Variants in PLEKHM3 observed in about 807,000 individuals in gnomAD.
PLEKHM3 encodes pleckstrin homology domain containing M3.
Under a neutral mutation model 81.8 loss-of-function variants are expected in PLEKHM3, and 45 were observed. That is an observed-to-expected ratio of 0.55 (90% CI 0.43 to 0.71). The LOEUF (loss-of-function observed/expected upper bound fraction) is 0.71. PLEKHM3 is among the 30% of genes least tolerant of loss of function. The probability of loss-of-function intolerance (pLI) is 0.00; values close to 1 mark genes in which losing one functional copy is unlikely to be tolerated. For missense variants in PLEKHM3, 788 were observed against 924.3 expected, an observed-to-expected ratio of 0.85 and a Z score of 1.91; for synonymous variants, 352 against 356.4, an observed-to-expected ratio of 0.99 and a Z score of 0.14.
chr2:207,982,856 G>A (rs1691582812), intron 2 of PLEKHM3, among the ~76,000 whole-genome samples: 1 of 152,048 alleles, frequency 6.6e-6, no homozygotes, highest in African/African-American at 2.4e-5. Context: ...GGGATTACAG[G>A]CATGAGCCAC....
In PLEKHM3 at chr2:207,892,387, C is replaced by T. The variant is rs192257882; in HGVS notation, c.1950+16127G>A. Among the ~76,000 whole-genome samples the T allele has an allele frequency of 4.3e-4, 66 of 152,260 alleles. 1 individual carries two copies. Among genetic ancestry groups the T allele is most frequent in the Admixed American group, 2.4e-3 (37 of 15,290 alleles). ...TAATCATTTTTGATTGGTTACATTT[C>T]GCAGATTGCATTTTAAAATACTATA... On this transcript the variant is annotated intron_variant, in intron 6 of 7. Transcript: ENST00000427836.
chr2:207,934,084 C>T (rs1412491106), intron 4 of PLEKHM3, among the ~76,000 whole-genome samples: 3 of 151,812 alleles, frequency 2.0e-5, no homozygotes, highest in Non-Finnish European at 4.4e-5. Context: ...AAACTCAACT[C>T]GAATTAAAAA....
intron 3 of PLEKHM3, among the ~76,000 whole-genome samples, chr2:207,966,399 C>A (rs114473478): frequency 1.6e-3 from 251 of 152,290 alleles, no homozygotes; most frequent in African/African-American, 5.6e-3. Context: ...CTTGGCCCAA[C>A]AGGATTACAC....
At chr2:208,002,173 G>C (rs574613392) in intron 1 of PLEKHM3, among the ~76,000 whole-genome samples, 2 of 152,182 alleles carry the variant, frequency 1.3e-5, no homozygotes, top group African/African-American at 4.8e-5. Context: ...CTTGATAAGA[G>C]GAATTAAAGT....
At chr2:208,020,295 G>A (rs971258083) in intron 1 of PLEKHM3, among the ~76,000 whole-genome samples, 2 of 152,188 alleles carry the variant, frequency 1.3e-5, no homozygotes, top group Admixed American at 1.3e-4. Flanking sequence ...GATTCTATTT[G>A]AACCACATAA....
intron 4 of PLEKHM3, among the ~76,000 whole-genome samples, chr2:207,936,970 A>G (rs981833903): frequency 2.6e-5 from 4 of 152,066 alleles, no homozygotes; most frequent in African/African-American, 7.2e-5. Flanking sequence ...AGCACAGGGT[A>G]TATACTATAT....
At chr2:207,923,902 TATA>T (rs1278284786) in intron 5 of PLEKHM3, among the ~76,000 whole-genome samples, 173 of 86,534 alleles carry the variant, frequency 2.0e-3, no homozygotes, top group African/African-American at 8.1e-3. Context: ...TATATATATA[TATA>T]TTTTTTTTTT....
chr2:207,903,055 T>C (rs1688492115), intron 6 of PLEKHM3, among the ~76,000 whole-genome samples: 1 of 152,260 alleles, frequency 6.6e-6, no homozygotes, highest in African/African-American at 2.4e-5. Flanking sequence ...TCCTTCCCAC[T>C]TCACAACTCT....
intron 6 of PLEKHM3, among the ~76,000 whole-genome samples, chr2:207,898,086 A>G (rs903983797): frequency 6.6e-6 from 1 of 152,188 alleles, no homozygotes; most frequent in Non-Finnish European, 1.5e-5. Flanking sequence ...GAGGAGCACA[A>G]TCTAACACTA....
At chr2:208,000,769 C>T (rs1692269890) in intron 2 of PLEKHM3, among the ~76,000 whole-genome samples, 1 of 151,834 alleles carries the variant, frequency 6.6e-6, no homozygotes, top group Non-Finnish European at 1.5e-5. Context: ...GAGAATTTAC[C>T]GTAATTGTCT....
chr2:207,897,848 A>G (rs1688275822), intron 6 of PLEKHM3, among the ~76,000 whole-genome samples: 1 of 152,220 alleles, frequency 6.6e-6, no homozygotes, highest in Non-Finnish European at 1.5e-5. Context: ...ATACCTTTAG[A>G]ATATGATTTA....
chr2:207,992,001 T>C lies in PLEKHM3; in HGVS notation c.610+9029A>G, dbSNP rs1691914967. ...ATTTTGTTACTTGCTTCTGAAAGCATTCTGACTGACTGAACACATTTGGAA... is the reference window on the plus strand; with the variant it reads ...ATTTTGTTACTTGCTTCTGAAAGCACTCTGACTGACTGAACACATTTGGAA... On this transcript the variant is annotated intron_variant, in intron 2 of 7. Transcript: ENST00000427836. 2.0e-5 allele frequency among the ~76,000 whole-genome samples: 3 copies of C among 152,216 alleles called. 1 individual carries two copies. The highest frequency in any genetic ancestry group is 2.0e-4 in the Admixed American group (3 of 15,280).
chr2:207,986,340 C>T (rs997711949), intron 2 of PLEKHM3, among the ~76,000 whole-genome samples: 4 of 152,164 alleles, frequency 2.6e-5, no homozygotes, highest in South Asian at 2.1e-4. Flanking sequence ...CAGGCTCACC[C>T]GGACTGCTTC....
At chr2:208,016,668 A>AAAAAACACACACACACACAC (rs1553568085) in intron 1 of PLEKHM3, among the ~76,000 whole-genome samples, 1 of 61,554 alleles carries the variant, frequency 1.6e-5, no homozygotes, top group African/African-American at 4.5e-5. Context: ...AAAAAAAAAA[A>AAAAAACACACACACACACAC]ATACACACAC....
chr2:207,832,469 T>A (rs2092293782), intron 7 of PLEKHM3, among the ~76,000 whole-genome samples: 2 of 152,186 alleles, frequency 1.3e-5, no homozygotes, highest in Non-Finnish European at 2.9e-5. Context: ...TGTTCCTCTT[T>A]GAGAATAGGA....
chr2:207,878,116 T>A lies in PLEKHM3; in HGVS notation c.1951-16854A>T, dbSNP rs1365738892. ...ACCATGCTCGACTAATTTTAAAAAT[T>A]TTTTGGAGATAAGGTCTCCCTATAT... is the stretch of plus-strand genomic sequence containing the variant. On this transcript the variant is annotated intron_variant, in intron 6 of 7. Transcript: ENST00000427836. Among the ~76,000 whole-genome samples, 6 of 152,272 alleles carry A rather than the reference T, an allele frequency of 3.9e-5. No individual in the cohort carries two copies. The East Asian group carries it at 1.2e-3, about 29-fold the overall frequency.
intron 3 of PLEKHM3, among the ~76,000 whole-genome samples, chr2:207,959,303 CACT>C (rs1271795420): frequency 1.3e-5 from 2 of 152,096 alleles, no homozygotes; most frequent in Non-Finnish European, 2.9e-5. Context: ...TATATTAAAC[CACT>C]ACTAACTCTC....
At chr2:207,986,838 A>ATTTTTTTTTTTT (rs370986896) in intron 2 of PLEKHM3, among the ~76,000 whole-genome samples, 1 of 126,300 alleles carries the variant, frequency 7.9e-6, no homozygotes, top group Non-Finnish European at 1.6e-5. Context: ...TGCCCAGCTA[A>ATTTTTTTTTTTT]TTTTTTTTTT....
chr2:207,934,211 G>A (rs1466557304), intron 4 of PLEKHM3, among the ~76,000 whole-genome samples: 1 of 152,140 alleles, frequency 6.6e-6, no homozygotes, highest in African/African-American at 2.4e-5. Flanking sequence ...TGTGAACACT[G>A]ACTATGTTCC....
Sources: allele counts gnomAD v4.1 joint callset (sites outside exome capture counted in the v4.1 genomes callset), GRCh38; gene constraint gnomAD v4.1.1; transcripts MANE v1.5; gene names NCBI Gene and HGNC (gene_info 2026-07-23, HGNC 2026-07-21).